The following UNC5D variants were observed in gnomAD, a reference collection of about 807,000 sequenced individuals.
The protein encoded by UNC5D is unc-5 netrin receptor D, also known as netrin receptor UNC5D.
A neutral mutation model predicts 105.4 loss-of-function variants in UNC5D; 39 were observed. The observed-to-expected ratio is 0.37, with a 90% CI of 0.29 to 0.48. The LOEUF is 0.48. Among genes scored for constraint, UNC5D ranks in the 20% least tolerant of loss-of-function variants. The pLI, the probability that UNC5D is intolerant of heterozygous loss-of-function variation, is 0.98. For synonymous variants in UNC5D, 452 were observed against 450.4 expected, an observed-to-expected ratio of 1.00 and a Z score of -0.04; for missense variants, 991 against 1,202.4, an observed-to-expected ratio of 0.82 and a Z score of 2.60.
At chr8:35,512,515 T>C (rs1812801632) in intron 1 of UNC5D, among the ~76,000 whole-genome samples, 1 of 91,656 alleles carries the variant, frequency 1.1e-5, no homozygotes, top group Non-Finnish European at 2.0e-5. Context: ...TATATCTGCA[T>C]AGATTATATA....
chr8:35,617,968 C>T (rs1258659639), intron 4 of UNC5D, among the ~76,000 whole-genome samples: 4 of 152,224 alleles, frequency 2.6e-5, no homozygotes, highest in African/African-American at 4.8e-5. Context: ...CAATATTTCT[C>T]ATCCTCTGTG....
At chr8:35,659,942 G>C (rs776935269) in intron 4 of UNC5D, among the ~76,000 whole-genome samples, 5 of 152,170 alleles carry the variant, frequency 3.3e-5, no homozygotes, top group Non-Finnish European at 7.4e-5. Context: ...TCAAGGACAA[G>C]AACTGGCATG....
At chr8:35,534,598 G>A (rs1438426451) in intron 1 of UNC5D, among the ~76,000 whole-genome samples, 2 of 151,472 alleles carry the variant, frequency 1.3e-5, no homozygotes, top group East Asian at 2.0e-4. Flanking sequence ...ATTCAAAATA[G>A]CTCTGTTTAC....
chr8:35,270,346 C>A (rs1805194717), intron 1 of UNC5D, among the ~76,000 whole-genome samples: 1 of 152,160 alleles, frequency 6.6e-6, no homozygotes, highest in Admixed American at 6.5e-5. Flanking sequence ...GATATTGCTG[C>A]ACCTACTACA....
intron 1 of UNC5D, among the ~76,000 whole-genome samples, chr8:35,440,886 T>C (rs1345296916): frequency 6.6e-6 from 1 of 151,998 alleles, no homozygotes; most frequent in African/African-American, 2.4e-5. Flanking sequence ...GATTCATATA[T>C]GGTGATCTTA....
chr8:35,668,969 C>T (rs1824601361), intron 4 of UNC5D, among the ~76,000 whole-genome samples: 1 of 152,016 alleles, frequency 6.6e-6, no homozygotes, highest in Non-Finnish European at 1.5e-5. Flanking sequence ...CTTCCTCTTC[C>T]CTTTCTTGAT....
At chr8:35,523,378 T>C (rs1184851422) in intron 1 of UNC5D, among the ~76,000 whole-genome samples, 3 of 152,138 alleles carry the variant, frequency 2.0e-5, no homozygotes, top group African/African-American at 4.8e-5. Flanking sequence ...CCACCATGCC[T>C]GGCCTGTTGT....
At chr8:35,728,095 A>AAAAAAAAAAAAAAAAAAAAATAT (rs34672872) in intron 10 of UNC5D, among the ~76,000 whole-genome samples, 1 of 110,366 alleles carries the variant, frequency 9.1e-6, no homozygotes, top group Admixed American at 1.0e-4. Context: ...AAAAAAAAAA[A>AAAAAAAAAAAAAAAAAAAAATAT]ATATATATAT....
At chr8:35,393,899 AAAG>A (rs1803935586) in intron 1 of UNC5D, among the ~76,000 whole-genome samples, 1 of 152,212 alleles carries the variant, frequency 6.6e-6, no homozygotes, top group Admixed American at 6.5e-5. Context: ...CTGAAAGAAA[AAAG>A]AAATAATTAT....
chr8:35,360,418 G>A (rs1427838517), intron 1 of UNC5D, among the ~76,000 whole-genome samples: 3 of 152,084 alleles, frequency 2.0e-5, no homozygotes, highest in Non-Finnish European at 2.9e-5. Context: ...CAGCTTTTGC[G>A]AACTTCATTA....
intron 1 of UNC5D, among the ~76,000 whole-genome samples, chr8:35,517,313 A>G (rs1356807779): frequency 1.3e-5 from 2 of 152,214 alleles, no homozygotes; most frequent in African/African-American, 4.8e-5. Flanking sequence ...GAAAAACTAG[A>G]AAGGGTAGGA....
At chr8:35,560,834 G>T (rs527954201) in intron 2 of UNC5D, among the ~76,000 whole-genome samples, 1 of 152,138 alleles carries the variant, frequency 6.6e-6, no homozygotes, top group African/African-American at 2.4e-5. Flanking sequence ...TGATCACATG[G>T]GGAGCCTCTG....
At chr8:35,281,311 G>A (rs1184794414) in intron 1 of UNC5D, among the ~76,000 whole-genome samples, 1 of 152,084 alleles carries the variant, frequency 6.6e-6, no homozygotes, top group African/African-American at 2.4e-5. Flanking sequence ...TACTAAGTCG[G>A]CTATACAAGG....
chr8:35,598,491 G>A (rs934947248), intron 4 of UNC5D, among the ~76,000 whole-genome samples: 3 of 152,136 alleles, frequency 2.0e-5, no homozygotes, highest in Admixed American at 1.3e-4. Flanking sequence ...CAGTATGGAC[G>A]TTCCTCAGAA....
intron 16 of UNC5D, among the ~76,000 whole-genome samples, chr8:35,786,057 T>G (rs1175823019): frequency 6.6e-6 from 1 of 152,168 alleles, no homozygotes; most frequent in East Asian, 1.9e-4. Context: ...ACTGCGACCT[T>G]CTAGGTGCAT....
At chr8:35,638,672 A>G (rs1355033972) in intron 4 of UNC5D, among the ~76,000 whole-genome samples, 1 of 152,058 alleles carries the variant, frequency 6.6e-6, no homozygotes, top group Non-Finnish European at 1.5e-5. Flanking sequence ...ACATGCACCT[A>G]CAGTCCTAGC....
At chr8:35,468,526 TA>T (rs568211142) in intron 1 of UNC5D, among the ~76,000 whole-genome samples, 48 of 152,322 alleles carry the variant, frequency 3.2e-4, no homozygotes, top group African/African-American at 1.1e-3. Flanking sequence ...CTATCTCAAA[TA>T]TAGAAAGCCG....
At chr8:35,567,203 C>T (rs902672450) in intron 2 of UNC5D, among the ~76,000 whole-genome samples, 3 of 152,116 alleles carry the variant, frequency 2.0e-5, no homozygotes, top group Non-Finnish European at 4.4e-5. Flanking sequence ...GCTATGGGGG[C>T]CTCCCTGGGT....
At chr8:35,654,055 C>T (rs575664299) in intron 4 of UNC5D, among the ~76,000 whole-genome samples, 1 of 152,180 alleles carries the variant, frequency 6.6e-6, no homozygotes, top group African/African-American at 2.4e-5. Context: ...TAAATTGTTT[C>T]TGCCAGGTAC....
Sources: allele counts gnomAD v4.1 joint callset (sites outside exome capture counted in the v4.1 genomes callset), GRCh38; gene constraint gnomAD v4.1.1; transcripts MANE v1.5; gene names NCBI Gene and HGNC (gene_info 2026-07-23, HGNC 2026-07-21).